AFF1: variants seen among roughly 807,000 people sequenced by gnomAD.
The protein encoded by AFF1 is ALF transcription elongation factor 1, also known as AF4/FMR2 family member 1.
Under a neutral mutation model 121.7 loss-of-function variants are expected in AFF1, and 48 were observed. The observed-to-expected ratio is 0.39, with a 90% CI of 0.31 to 0.50. The LOEUF is 0.50. Ranked by LOEUF, AFF1 falls within the 20% of genes least tolerant of loss-of-function variation. The pLI is 0.76. For synonymous variants in AFF1, 613 were observed against 563.0 expected (o/e 1.09, Z -1.26); for missense variants, 1,523 against 1,511.7 (o/e 1.01, Z -0.12).
intron 6 of AFF1, among the ~76,000 whole-genome samples, chr4:87,090,552 C>T (rs1724193572): frequency 6.6e-6 from 1 of 152,056 alleles, no homozygotes. Context: ...TAAAACACTG[C>T]CATTCTCCTT....
At chr4:86,985,180 ACTATAT>A (rs1560518274) in intron 2 of AFF1, among the ~76,000 whole-genome samples, 4 of 55,950 alleles carry the variant, frequency 7.1e-5, no homozygotes, top group African/African-American at 4.3e-4. Flanking sequence ...AATATGTATT[ACTATAT>A]ATATATATAT....
Position 87,046,277 on chromosome 4 carries a change from G to A in AFF1, c.150G>A (p.Glu50=), listed in dbSNP as rs780219149. The A allele has an allele frequency of 6.2e-6, 10 of 1,612,596 alleles. No homozygotes were observed. The South Asian group carries it at 1.1e-4, about 18-fold the overall frequency. Residue 50 remains glutamate (E), a synonymous_variant, in exon 3 of 21, where the codon GAG becomes GAA. Coordinates refer to ENST00000395146, the MANE Select transcript of AFF1 (RefSeq NM_001166693.3). The part of the protein sequence containing the change: ...AFPEKIPLFG[E]PYKTAKGDEL... ...CTGAAAAGATTCCCCTTTTTGGAGA[G>A]CCCTACAAGGTATTTACTGAACACT...
intron 2 of AFF1, among the ~76,000 whole-genome samples, chr4:87,036,114 A>G (rs1729539672): frequency 6.6e-6 from 1 of 152,200 alleles, no homozygotes; most frequent in Non-Finnish European, 1.5e-5. Flanking sequence ...GGCACTGTGC[A>G]GCTGTGCTCA....
chr4:86,982,709 G>A (rs747738907), intron 2 of AFF1, among the ~76,000 whole-genome samples: 6 of 151,666 alleles, frequency 4.0e-5, no homozygotes, highest in East Asian at 1.9e-4. Context: ...TTATTCAGGC[G>A]TGGTGGCAGG....
intron 8 of AFF1, among the ~76,000 whole-genome samples, chr4:87,100,608 C>T (rs1037689226): frequency 6.6e-6 from 1 of 152,132 alleles, no homozygotes; most frequent in Non-Finnish European, 1.5e-5. Context: ...TGTCTTCCTC[C>T]TCTAGACTAG....
intron 2 of AFF1, among the ~76,000 whole-genome samples, chr4:86,967,762 CTG>C (rs1722635496): frequency 6.6e-6 from 1 of 151,948 alleles, no homozygotes; most frequent in African/African-American, 2.4e-5. Context: ...ATGGGAAAGA[CTG>C]AGAGTGGTAC....
chr4:87,099,387 T>G (rs1725191054), intron 8 of AFF1, among the ~76,000 whole-genome samples: 1 of 152,190 alleles, frequency 6.6e-6, no homozygotes, highest in Non-Finnish European at 1.5e-5. Context: ...ATTAAAATGT[T>G]TTTCACTAAG....
At chr4:86,979,368 G>T (rs748681329) in intron 2 of AFF1, among the ~76,000 whole-genome samples, 25 of 152,116 alleles carry the variant, frequency 1.6e-4, no homozygotes, top group Non-Finnish European at 2.5e-4. Context: ...CAAAGTGCTG[G>T]GATTACAGGG....
intron 2 of AFF1, chr4:86,950,188 A>AT (rs1172238488): frequency 2.8e-5 from 39 of 1,399,762 alleles, no homozygotes; most frequent in Non-Finnish European, 4.0e-5. Context: ...AGGTATTATT[A>AT]TTTTTTTAAG....
At chr4:87,046,648 AG>A (rs772142649) in intron 3 of AFF1, 46 bp from the exon 4 acceptor site, 1 of 1,547,642 alleles carries the variant, frequency 6.5e-7, no homozygotes, top group Admixed American at 2.0e-5. Flanking sequence ...GTTAAATGGT[AG>A]TTTTCCTTAG....
At chr4:86,991,834 CT>C (rs34804329) in intron 2 of AFF1, among the ~76,000 whole-genome samples, 7,324 of 113,636 alleles carry the variant, frequency 0.064, 471 homozygotes, top group African/African-American at 0.19. Flanking sequence ...CTTCAAATTG[CT>C]TTTTTTTTTT....
intron 13 of AFF1, among the ~76,000 whole-genome samples, chr4:87,125,465 A>G (rs1728138389): frequency 6.6e-6 from 1 of 152,148 alleles, no homozygotes; most frequent in East Asian, 1.9e-4. Context: ...AAACAAACAC[A>G]CAGAGAAAAT....
chr4:86,938,122 TTG>T (rs1720177054), intron 1 of AFF1, among the ~76,000 whole-genome samples: 1 of 152,008 alleles, frequency 6.6e-6, no homozygotes, highest in African/African-American at 2.4e-5. Flanking sequence ...TTTTGGGAGA[TTG>T]AGAAAGTATG....
intron 16 of AFF1, among the ~76,000 whole-genome samples, chr4:87,130,309 C>G (rs1203326505): frequency 6.6e-6 from 1 of 152,194 alleles, no homozygotes; most frequent in African/African-American, 2.4e-5. Context: ...ATATCAAATA[C>G]AAAGCAGAAA....
intron 2 of AFF1, among the ~76,000 whole-genome samples, chr4:87,020,324 T>C (rs1401572377): frequency 6.6e-6 from 1 of 152,258 alleles, no homozygotes; most frequent in Non-Finnish European, 1.5e-5. Context: ...AGAACGTATT[T>C]GCTTTATTTT....
chr4:87,055,615 G>A (rs1159191468), intron 4 of AFF1, among the ~76,000 whole-genome samples: 1 of 152,090 alleles, frequency 6.6e-6, no homozygotes. Flanking sequence ...ATAGCCACCC[G>A]GGTCATTTTA....
intron 2 of AFF1, among the ~76,000 whole-genome samples, chr4:87,035,724 C>T (rs340627): frequency 0.85 from 129,149 of 152,062 alleles, 56,993 homozygotes; most frequent in Non-Finnish European, 0.96. Context: ...CTCTCGGGGC[C>T]ACATTCCAAA....
intron 1 of AFF1, among the ~76,000 whole-genome samples, chr4:86,938,643 G>A (rs1720226311): frequency 6.6e-6 from 1 of 152,050 alleles, no homozygotes; most frequent in Non-Finnish European, 1.5e-5. Flanking sequence ...TTGGATCTTA[G>A]ATTTTAAAAT....
chr4:87,039,372 G>A (rs1729882660), intron 2 of AFF1, among the ~76,000 whole-genome samples: 1 of 152,210 alleles, frequency 6.6e-6, no homozygotes, highest in South Asian at 2.1e-4. Flanking sequence ...GTATTGAGGG[G>A]CTGAACAGGC....
Sources: gnomAD v4.1 joint callset for allele counts (sites outside exome capture counted in the v4.1 genomes callset) on GRCh38, gnomAD v4.1.1 for gene constraint, MANE v1.5 for transcripts, NCBI Gene and HGNC (gene_info 2026-07-23, HGNC 2026-07-21) for gene names.